SLC39A11: variants seen among roughly 807,000 people sequenced by gnomAD.
The protein encoded by SLC39A11 is solute carrier family 39 member 11.
A neutral mutation model predicts 36.1 loss-of-function variants in SLC39A11; 33 were observed. The observed-to-expected ratio is 0.91, with a 90% CI of 0.69 to 1.22. The LOEUF (loss-of-function observed/expected upper bound fraction) is 1.22. SLC39A11 is among the 50% of genes most tolerant of loss of function. The pLI, the probability that SLC39A11 is intolerant of heterozygous loss-of-function variation, is 0.00. For synonymous variants in SLC39A11, 166 were observed against 170.3 expected (o/e 0.97, Z 0.20); for missense variants, 432 against 430.3 (o/e 1.00, Z -0.03).
At chr17:72,917,879 G>A (rs1320284947) in intron 5 of SLC39A11, among the ~76,000 whole-genome samples, 1 of 152,228 alleles carries the variant, frequency 6.6e-6, no homozygotes, top group Non-Finnish European at 1.5e-5. Context: ...GTGACCACCA[G>A]CTACCTACAG....
At chr17:72,783,983 G>C (rs1304432140) in intron 6 of SLC39A11, among the ~76,000 whole-genome samples, 1 of 152,112 alleles carries the variant, frequency 6.6e-6, no homozygotes, top group Non-Finnish European at 1.5e-5. Flanking sequence ...ATGGGAAAGG[G>C]AACTGGAGGA....
chr17:72,976,418 C>A (rs1282902627), intron 4 of SLC39A11, among the ~76,000 whole-genome samples: 1 of 152,044 alleles, frequency 6.6e-6, no homozygotes, highest in Non-Finnish European at 1.5e-5. Flanking sequence ...CACACTCACC[C>A]TCCATTCCAA....
chr17:73,035,000 T>C (rs1447493749), intron 3 of SLC39A11, among the ~76,000 whole-genome samples: 1 of 152,158 alleles, frequency 6.6e-6, no homozygotes, highest in African/African-American at 2.4e-5. Context: ...TCCAGCTGGA[T>C]TTCCTTCATT....
intron 6 of SLC39A11, among the ~76,000 whole-genome samples, chr17:72,826,046 G>A (rs2078016173): frequency 6.6e-6 from 1 of 152,044 alleles, no homozygotes; most frequent in African/African-American, 2.4e-5. Flanking sequence ...ATTTGGGAGG[G>A]GCCAGGGATG....
At chr17:73,029,118 ACAC>A (rs1254777299) in intron 4 of SLC39A11, among the ~76,000 whole-genome samples, 1,770 of 145,208 alleles carry the variant, frequency 0.012, 49 homozygotes, top group African/African-American at 0.041. Context: ...ACGCCGTCAC[ACAC>A]ACACAAAAAA....
intron 7 of SLC39A11, among the ~76,000 whole-genome samples, chr17:72,687,829 C>A (rs2071830605): frequency 6.6e-6 from 1 of 152,164 alleles, no homozygotes; most frequent in African/African-American, 2.4e-5. Flanking sequence ...CCTGCAAAAT[C>A]TTTGCCAAGT....
chr17:72,676,889 T>C (rs1471066410), intron 7 of SLC39A11, among the ~76,000 whole-genome samples: 1 of 152,210 alleles, frequency 6.6e-6, no homozygotes, highest in Non-Finnish European at 1.5e-5. Flanking sequence ...CACCTCACTG[T>C]TGGAGGAGTG....
At chr17:72,724,982 T>C (rs531429439) in intron 7 of SLC39A11, among the ~76,000 whole-genome samples, 1 of 152,332 alleles carries the variant, frequency 6.6e-6, no homozygotes, top group African/African-American at 2.4e-5. Context: ...AAGGGATGGA[T>C]GGATGGACAG....
intron 4 of SLC39A11, among the ~76,000 whole-genome samples, chr17:72,987,482 T>C (rs1445020456): frequency 6.6e-6 from 1 of 152,104 alleles, no homozygotes; most frequent in Non-Finnish European, 1.5e-5. Flanking sequence ...TAAGATGGAA[T>C]GAACAATTAA....
chr17:72,888,915 A>G (rs2081579130), intron 5 of SLC39A11, among the ~76,000 whole-genome samples: 1 of 152,130 alleles, frequency 6.6e-6, no homozygotes, highest in Non-Finnish European at 1.5e-5. Context: ...AAAAAAAAGA[A>G]AGAAAAGAAA....
intron 4 of SLC39A11, among the ~76,000 whole-genome samples, chr17:73,026,759 C>CGTGT (rs945433987): frequency 3.3e-5 from 5 of 152,042 alleles, no homozygotes; most frequent in Admixed American, 2.6e-4. Context: ...TGGGGACACA[C>CGTGT]ACACACTACC....
chr17:72,792,237 C>G (rs537380099), intron 6 of SLC39A11, among the ~76,000 whole-genome samples: 18 of 152,334 alleles, frequency 1.2e-4, no homozygotes, highest in Non-Finnish European at 2.1e-4. Flanking sequence ...CACAGTGAAC[C>G]AGAAGGGGCT....
At chr17:72,794,820 C>T (rs1429394057) in intron 6 of SLC39A11, among the ~76,000 whole-genome samples, 1 of 151,936 alleles carries the variant, frequency 6.6e-6, no homozygotes, top group Non-Finnish European at 1.5e-5. Flanking sequence ...AACAAGGTAC[C>T]CAACATTTAG....
chr17:73,077,977 G>A (rs925490225), intron 3 of SLC39A11, among the ~76,000 whole-genome samples: 2 of 152,176 alleles, frequency 1.3e-5, no homozygotes, highest in Non-Finnish European at 2.9e-5. Context: ...AGTGGCTCAC[G>A]CCTGTAATCC....
At chr17:72,953,753 C>T (rs73347559) in intron 4 of SLC39A11, among the ~76,000 whole-genome samples, 7,285 of 152,328 alleles carry the variant, frequency 0.048, 554 homozygotes, top group African/African-American at 0.15. Flanking sequence ...GGTCCCAGTA[C>T]CAACCTTCAA....
At chr17:72,865,410 CG>C (rs928507956) in intron 5 of SLC39A11, among the ~76,000 whole-genome samples, 6 of 92,246 alleles carry the variant, frequency 6.5e-5, no homozygotes, top group South Asian at 4.2e-4. Flanking sequence ...AAAAACTGCT[CG>C]AAAAAAAAAA....
intron 6 of SLC39A11, among the ~76,000 whole-genome samples, chr17:72,740,483 AAAT>A (rs2074645589): frequency 1.3e-5 from 2 of 152,194 alleles, no homozygotes; most frequent in African/African-American, 4.8e-5. Context: ...TGTGTGTCTG[AAAT>A]GGTAGGCACC....
chr17:72,947,809 ACTT>A lies in SLC39A11; in HGVS notation c.370_372del (p.Lys124del), dbSNP rs769644430. The stretch of plus-strand genomic sequence containing the variant: ...AGCAGCGCGGGACCCTCAGGATCAG[ACTT>A]CTTCTTCATCAACGTAGAGCCGAAG... On this transcript the variant is annotated inframe_deletion, in exon 5 of 10. Coordinates refer to ENST00000255559, the MANE Select transcript of SLC39A11 (RefSeq NM_139177.4). 1.1e-5 allele frequency: 18 copies of A among 1,614,052 alleles called. 1 individual carries two copies. The highest frequency in any genetic ancestry group is 9.9e-5 in the South Asian group (9 of 91,090).
intron 5 of SLC39A11, among the ~76,000 whole-genome samples, chr17:72,888,283 T>G (rs1322781000): frequency 6.6e-6 from 1 of 152,236 alleles, no homozygotes; most frequent in East Asian, 1.9e-4. Flanking sequence ...TGCCTTCTAT[T>G]TCTTTGGTAT....
Sources: allele counts gnomAD v4.1 joint callset (sites outside exome capture counted in the v4.1 genomes callset), GRCh38; gene constraint gnomAD v4.1.1; transcripts MANE v1.5; gene names NCBI Gene and HGNC (gene_info 2026-07-23, HGNC 2026-07-21).